The following ZCCHC7 variants were observed in gnomAD, a reference collection of about 807,000 sequenced individuals.
ZCCHC7 encodes zinc finger CCHC-type containing 7.
A neutral mutation model predicts 52.0 loss-of-function variants in ZCCHC7; 35 were observed. The observed-to-expected ratio is 0.67, with a 90% CI of 0.51 to 0.89. The LOEUF is 0.89. ZCCHC7 is among the 40% of genes least tolerant of loss of function. The pLI is 0.00. For missense variants in ZCCHC7, 574 were observed against 649.1 expected (o/e 0.88, Z 1.26); for synonymous variants, 217 against 221.5 (o/e 0.98, Z 0.18).
chr9:37,297,682 C>T (rs1017721779), intron 2 of ZCCHC7, among the ~76,000 whole-genome samples: 1 of 152,172 alleles, frequency 6.6e-6, no homozygotes, highest in Non-Finnish European at 1.5e-5. Context: ...CTGGCACCTG[C>T]GGTGTAGATA....
chr9:37,223,085 C>T (rs770212373), intron 2 of ZCCHC7, among the ~76,000 whole-genome samples: 1 of 151,754 alleles, frequency 6.6e-6, no homozygotes, highest in Non-Finnish European at 1.5e-5. Context: ...CCATAGTTAC[C>T]AAAAGTCTTA....
intron 2 of ZCCHC7, among the ~76,000 whole-genome samples, chr9:37,139,925 A>G (rs538514371): frequency 2.6e-5 from 4 of 152,042 alleles, no homozygotes; most frequent in Admixed American, 1.3e-4. Flanking sequence ...TACTTTTTCT[A>G]TATTGGTAGT....
At chr9:37,218,888 G>A (rs923858362) in intron 2 of ZCCHC7, among the ~76,000 whole-genome samples, 2 of 151,844 alleles carry the variant, frequency 1.3e-5, no homozygotes, top group Non-Finnish European at 2.9e-5. Flanking sequence ...CGTCTAGTGG[G>A]CAGCTCTGTA....
chr9:37,130,010 G>A (rs557019833), intron 2 of ZCCHC7, among the ~76,000 whole-genome samples: 1 of 152,098 alleles, frequency 6.6e-6, no homozygotes, highest in Non-Finnish European at 1.5e-5. Flanking sequence ...AGGCCGAGGC[G>A]GGTGGATCAC....
intron 2 of ZCCHC7, among the ~76,000 whole-genome samples, chr9:37,169,350 T>A (rs776460508): frequency 6.6e-6 from 1 of 152,212 alleles, no homozygotes; most frequent in Non-Finnish European, 1.5e-5. Context: ...AATCCACAAA[T>A]ATGTTGTTAA....
chr9:37,221,899 G>T (rs935959707), intron 2 of ZCCHC7, among the ~76,000 whole-genome samples: 3 of 152,050 alleles, frequency 2.0e-5, no homozygotes, highest in Non-Finnish European at 4.4e-5. Context: ...TGTTGTGTTT[G>T]CTCTGTGTAA....
intron 2 of ZCCHC7, among the ~76,000 whole-genome samples, chr9:37,162,110 A>G (rs1301975205): frequency 2.0e-5 from 3 of 152,220 alleles, no homozygotes; most frequent in East Asian, 1.9e-4. Context: ...AAACGATCAT[A>G]TAGATGGCTG....
chr9:37,190,746 G>C (rs1822972984), intron 2 of ZCCHC7, among the ~76,000 whole-genome samples: 2 of 152,126 alleles, frequency 1.3e-5, no homozygotes, highest in Admixed American at 1.3e-4. Flanking sequence ...GGCTGGGCAC[G>C]GTGGCTCACG....
intron 2 of ZCCHC7, among the ~76,000 whole-genome samples, chr9:37,137,954 T>C (rs941978913): frequency 2.0e-5 from 3 of 152,176 alleles, no homozygotes; most frequent in Admixed American, 6.5e-5. Context: ...TTCTCATTAA[T>C]GTATAGTTTA....
At chr9:37,267,570 T>TTC (rs1827171434) in intron 2 of ZCCHC7, among the ~76,000 whole-genome samples, 1 of 142,512 alleles carries the variant, frequency 7.0e-6, no homozygotes, top group African/African-American at 2.6e-5. Context: ...TTTTTTCTTT[T>TTC]TTTTTTTTTT....
chr9:37,170,174 T>C (rs1821653583), intron 2 of ZCCHC7, among the ~76,000 whole-genome samples: 1 of 152,218 alleles, frequency 6.6e-6, no homozygotes, highest in Admixed American at 6.5e-5. Context: ...AACTGATTTT[T>C]CTGGGAATCT....
chr9:37,122,938 A>G (rs1842380290), intron 1 of ZCCHC7, among the ~76,000 whole-genome samples: 1 of 152,254 alleles, frequency 6.6e-6, no homozygotes. Flanking sequence ...CTCCGTCTCA[A>G]GGGGGAAAAA....
chr9:37,289,793 C>T (rs2133620536), intron 2 of ZCCHC7, among the ~76,000 whole-genome samples: 1 of 152,308 alleles, frequency 6.6e-6, no homozygotes, highest in Non-Finnish European at 1.5e-5. Flanking sequence ...TTCACATTCC[C>T]TTCATTTTCT....
intron 2 of ZCCHC7, among the ~76,000 whole-genome samples, chr9:37,233,142 A>G (rs1193148038): frequency 6.6e-6 from 1 of 152,230 alleles, no homozygotes; most frequent in Non-Finnish European, 1.5e-5. Flanking sequence ...TTATATTTCT[A>G]AAAGCCCATT....
intron 5 of ZCCHC7, among the ~76,000 whole-genome samples, chr9:37,318,644 G>A (rs1829925685): frequency 6.6e-6 from 1 of 151,928 alleles, no homozygotes; most frequent in African/African-American, 2.4e-5. Context: ...CCTGTGTGGT[G>A]GCTCACACCT....
At chr9:37,163,385 CAAAA>C (rs1022187626) in intron 2 of ZCCHC7, among the ~76,000 whole-genome samples, 2 of 77,156 alleles carry the variant, frequency 2.6e-5, no homozygotes, top group Non-Finnish European at 5.2e-5. Flanking sequence ...GACTCCATCT[CAAAA>C]AAAAAAAAAA....
At chr9:37,136,069 AT>A (rs1842984137) in intron 2 of ZCCHC7, among the ~76,000 whole-genome samples, 1 of 151,718 alleles carries the variant, frequency 6.6e-6, no homozygotes, top group Non-Finnish European at 1.5e-5. Context: ...TCCTGTGTGG[AT>A]TAGTTTCTAC....
chr9:37,163,235 AAG>A (rs1821208429), intron 2 of ZCCHC7, among the ~76,000 whole-genome samples: 1 of 151,652 alleles, frequency 6.6e-6, no homozygotes, highest in Admixed American at 6.6e-5. Context: ...AAAAAACAAA[AAG>A]TATTTTTACG....
At chr9:37,143,413 T>G (rs1460637010) in intron 2 of ZCCHC7, among the ~76,000 whole-genome samples, 1 of 151,760 alleles carries the variant, frequency 6.6e-6, no homozygotes, top group African/African-American at 2.4e-5. Context: ...GGCTCTGCAT[T>G]AGAGTTTTAA....
Sources: gnomAD v4.1 joint callset for allele counts (sites outside exome capture counted in the v4.1 genomes callset) on GRCh38, gnomAD v4.1.1 for gene constraint, MANE v1.5 for transcripts, NCBI Gene and HGNC (gene_info 2026-07-23, HGNC 2026-07-21) for gene names.